DLG2: variants seen among roughly 807,000 people sequenced by gnomAD.
The protein encoded by DLG2 is discs large MAGUK scaffold protein 2.
DLG2 carries 45 observed loss-of-function variants against 132.5 expected under a neutral mutation model. The ratio of observed to expected loss-of-function variants is 0.34; its 90% CI spans 0.27 to 0.44. The LOEUF is 0.44. Among genes scored for constraint, DLG2 ranks in the 20% least tolerant of loss-of-function variants. DLG2 has a pLI of 1.00. For synonymous variants in DLG2, 424 were observed against 419.6 expected (o/e 1.01, Z -0.13); for missense variants, 1,045 against 1,196.9 (o/e 0.87, Z 1.87).
At chr11:85,304,638 T>C (rs1032407730) in intron 3 of DLG2, among the ~76,000 whole-genome samples, 47 of 152,250 alleles carry the variant, frequency 3.1e-4, no homozygotes, top group African/African-American at 1.1e-3. Flanking sequence ...GATCAACTAA[T>C]AAATATTTCA....
At chr11:84,451,600 T>C (rs1428408216) in intron 7 of DLG2, among the ~76,000 whole-genome samples, 1 of 151,792 alleles carries the variant, frequency 6.6e-6, no homozygotes, top group Admixed American at 6.6e-5. Flanking sequence ...CCTCCTCCAC[T>C]TATTTATTTA....
intron 3 of DLG2, among the ~76,000 whole-genome samples, chr11:85,595,864 C>T (rs2079716990): frequency 6.6e-6 from 1 of 152,136 alleles, no homozygotes; most frequent in Non-Finnish European, 1.5e-5. Flanking sequence ...GTTATGTACA[C>T]AGAATTCCTC....
intron 3 of DLG2, among the ~76,000 whole-genome samples, chr11:85,336,965 A>G (rs577380173): frequency 6.6e-6 from 1 of 152,352 alleles, no homozygotes; most frequent in South Asian, 2.1e-4. Context: ...CTTCCACTGT[A>G]GTCATGATTT....
chr11:83,720,420 G>A lies in DLG2; in HGVS notation c.1825+66270C>T, dbSNP rs998617721. On this transcript the variant is annotated intron_variant, in intron 18 of 27. Coordinates refer to ENST00000376104, the MANE Select transcript of DLG2 (RefSeq NM_001142699.3). The stretch of plus-strand genomic sequence containing the variant: ...TTCCACTACAAAAGGTACTCCAAGT[G>A]TATTGTGTTCTTTACCTTTTTCAAG... Among the ~76,000 whole-genome samples, 42 of 148,682 alleles carry A rather than the reference G, an allele frequency of 2.8e-4. 1 individual carries two copies. Among genetic ancestry groups the A allele is most frequent in the Middle Eastern group, 3.6e-3 (1 of 276 alleles).
chr11:85,607,684 T>C (rs936413624), intron 2 of DLG2, among the ~76,000 whole-genome samples: 1 of 152,204 alleles, frequency 6.6e-6, no homozygotes, highest in Non-Finnish European at 1.5e-5. Flanking sequence ...GGGGAGACTA[T>C]CTGGAATTTT....
chr11:85,178,756 A>G (rs372493193), intron 4 of DLG2, among the ~76,000 whole-genome samples: 59 of 152,094 alleles, frequency 3.9e-4, no homozygotes, highest in African/African-American at 1.4e-3. Flanking sequence ...TATAAACCAT[A>G]GACTAAACAT....
intron 7 of DLG2, among the ~76,000 whole-genome samples, chr11:84,319,568 C>T (rs1403957212): frequency 6.6e-6 from 1 of 152,166 alleles, no homozygotes; most frequent in Admixed American, 6.5e-5. Flanking sequence ...TCCATCACAA[C>T]TTTGTAATGG....
At chr11:83,685,998 T>C (rs762646602) in intron 18 of DLG2, among the ~76,000 whole-genome samples, 1 of 152,070 alleles carries the variant, frequency 6.6e-6, no homozygotes, top group Non-Finnish European at 1.5e-5. Flanking sequence ...CTTCAAAATG[T>C]ACCCTCTGTC....
intron 6 of DLG2, among the ~76,000 whole-genome samples, chr11:84,971,573 A>G (rs2054101918): frequency 6.6e-6 from 1 of 152,206 alleles, no homozygotes; most frequent in African/African-American, 2.4e-5. Context: ...TTACATAAGA[A>G]TAACTGTTGA....
chr11:84,939,198 C>G (rs533144119), intron 6 of DLG2, among the ~76,000 whole-genome samples: 135 of 151,952 alleles, frequency 8.9e-4, no homozygotes, highest in Non-Finnish European at 1.4e-3. Flanking sequence ...AATTTGAGAG[C>G]CTGACTATAC....
chr11:85,084,419 G>A (rs886064127), intron 6 of DLG2, among the ~76,000 whole-genome samples: 1 of 152,176 alleles, frequency 6.6e-6, no homozygotes, highest in African/African-American at 2.4e-5. Flanking sequence ...TAGTAAAATA[G>A]AAAGCATGAA....
At chr11:84,196,627 G>T (rs1346227565) in intron 8 of DLG2, among the ~76,000 whole-genome samples, 1 of 152,118 alleles carries the variant, frequency 6.6e-6, no homozygotes, top group Non-Finnish European at 1.5e-5. Context: ...ATTTTAGGAA[G>T]ATTGACTTTC....
At chr11:85,258,684 C>G (rs907182046) in intron 4 of DLG2, among the ~76,000 whole-genome samples, 1 of 152,180 alleles carries the variant, frequency 6.6e-6, no homozygotes, top group Admixed American at 6.5e-5. Context: ...CCCAAAAACT[C>G]TTCTACAATA....
At chr11:84,240,070 G>A (rs1253660903) in intron 8 of DLG2, among the ~76,000 whole-genome samples, 2 of 152,342 alleles carry the variant, frequency 1.3e-5, no homozygotes, top group Admixed American at 6.5e-5. Flanking sequence ...TTTGAGGTAT[G>A]AGGGAAAAAT....
chr11:84,724,421 G>T (rs1239768969), intron 6 of DLG2, among the ~76,000 whole-genome samples: 1 of 152,126 alleles, frequency 6.6e-6, no homozygotes, highest in Non-Finnish European at 1.5e-5. Flanking sequence ...TCCACAGAGT[G>T]CTAGAGCCAA....
chr11:84,000,487 A>T (rs12805025), intron 11 of DLG2, among the ~76,000 whole-genome samples: 1 of 152,050 alleles, frequency 6.6e-6, no homozygotes, highest in South Asian at 2.1e-4. Context: ...AAGTCTAGCA[A>T]GATAATTAGA....
intron 2 of DLG2, among the ~76,000 whole-genome samples, chr11:85,607,610 C>A (rs1278862655): frequency 1.3e-5 from 2 of 152,192 alleles, no homozygotes; most frequent in Non-Finnish European, 2.9e-5. Context: ...GACTCTGTTA[C>A]CTTCTTTTGG....
intron 7 of DLG2, among the ~76,000 whole-genome samples, chr11:84,525,364 G>C (rs190418659): frequency 2.0e-5 from 3 of 152,108 alleles, no homozygotes; most frequent in Admixed American, 1.3e-4. Context: ...GGCATTCTTG[G>C]TTTCATTTCA....
At chr11:84,626,847 A>ACATTTTATTTTATTTTATTTTATTTATTT (rs373094154) in intron 6 of DLG2, among the ~76,000 whole-genome samples, 5 of 144,110 alleles carry the variant, frequency 3.5e-5, no homozygotes, top group African/African-American at 1.3e-4. Context: ...CATCAATTAC[A>ACATTTTATTTTATTTTATTTTATTTATTT]TATTTTATTT....
Sources: gnomAD v4.1 joint callset for allele counts (sites outside exome capture counted in the v4.1 genomes callset) on GRCh38, gnomAD v4.1.1 for gene constraint, MANE v1.5 for transcripts, NCBI Gene and HGNC (gene_info 2026-07-23, HGNC 2026-07-21) for gene names.